Variants in ITGA10 observed in about 807,000 individuals in gnomAD.
The protein encoded by ITGA10 is integrin subunit alpha 10, also known as integrin alpha-10.
Under a neutral mutation model 145.2 loss-of-function variants are expected in ITGA10, and 105 were observed. That is an observed-to-expected ratio of 0.72 (90% confidence interval 0.62 to 0.85). ITGA10 has a LOEUF of 0.85. Among genes scored for constraint, ITGA10 ranks in the 40% least tolerant of loss-of-function variants. The pLI, the probability that ITGA10 is intolerant of heterozygous loss-of-function variation, is 0.00. For synonymous variants in ITGA10, 506 were observed against 557.8 expected (o/e 0.91, Z 1.31); for missense variants, 1,317 against 1,444.5 (o/e 0.91, Z 1.43).
intron 27 of ITGA10, among the ~76,000 whole-genome samples, chr1:145,894,106 T>C (rs1436712182): frequency 1.4e-5 from 2 of 147,714 alleles, no homozygotes; most frequent in Non-Finnish European, 3.0e-5. Context: ...ACCAAGTATG[T>C]AGTGGTTTCT....
intron 15 of ITGA10, among the ~76,000 whole-genome samples, chr1:145,899,758 A>C (rs1366370430): frequency 6.6e-6 from 1 of 151,814 alleles, no homozygotes; most frequent in Non-Finnish European, 1.5e-5. Flanking sequence ...TGATCCTCCT[A>C]CCTTCGCCTC....
At chr1:145,897,209 C>T in intron 21 of ITGA10, 38 bp downstream of exon 21, 1 of 1,603,322 alleles carries the variant, frequency 6.2e-7, no homozygotes, top group Non-Finnish European at 8.5e-7. Flanking sequence ...AGCCTCTGCC[C>T]TCCTAGAGCC....
intron 1 of ITGA10, among the ~76,000 whole-genome samples, chr1:145,907,835 T>C: frequency 7.0e-6 from 1 of 142,630 alleles, no homozygotes; most frequent in East Asian, 2.2e-4. Flanking sequence ...AGTGGCGTGA[T>C]CTCGGCTTAC....
At position 145,898,183 on chromosome 1, in the gene ITGA10, G is replaced by A. The variant is rs971587983; in HGVS notation, c.2273C>T (p.Thr758Ile). ...DYLRPVALTV[T>I]FALDNTTKPG... ...CTTTGTAGTATTGTCCAAGGCAAAG[G>A]TCACAGTCAAGGCCACTGGCCGGAG... The change falls in exon 18 of 30, where the codon ACC (threonine) becomes ATC (isoleucine). Residue 758 changes from threonine (T) to isoleucine (I), a missense_variant. Transcript: ENST00000369304. 1.2e-6 allele frequency: 2 copies of A among 1,613,934 alleles called. No individual in the cohort carries two copies. Among genetic ancestry groups the A allele is most frequent in the African/African-American group, 1.3e-5 (1 of 74,886 alleles).
At chr1:145,898,265 T>G in intron 17 of ITGA10, 42 bp from the exon 18 acceptor site, 1 of 1,271,920 alleles carries the variant, frequency 7.9e-7, no homozygotes, top group Non-Finnish European at 1.2e-6. Context: ...GTCAAGGATC[T>G]TGTGATAATT....
At position 145,902,527 on chromosome 1, in the gene ITGA10, G is replaced by A. The variant is rs1328584; in HGVS notation, c.1002C>T (p.Phe334=). Reference sequence around the variant, plus strand: ...GAGCAGCCTCATCTGTGACATTGAAGAAGAATCGCTCATCTGGATCACTGG... The same window carrying A: ...GAGCAGCCTCATCTGTGACATTGAAAAAGAATCGCTCATCTGGATCACTGG... The part of the protein sequence containing the change: ...TIASDPDERF[F]FNVTDEAALT... Residue 334 remains phenylalanine (F), a synonymous_variant, in exon 9 of 30, where the codon TTC becomes TTT. Transcript: ENST00000369304. 3,485 of 1,613,902 alleles carry A rather than the reference G, an allele frequency of 2.2e-3. 64 individuals carry two copies. In the African/African-American group the frequency reaches 0.04, roughly 19 times the overall value.
intron 4 of ITGA10, 81 bp downstream of exon 4, chr1:145,906,652 A>C: frequency 7.5e-7 from 1 of 1,339,352 alleles, no homozygotes; most frequent in East Asian, 2.3e-5. Context: ...CCCTCCACAC[A>C]GACCATTTTC....
Position 145,901,081 on chromosome 1 carries a change from C to T in ITGA10, c.1587+54G>A. On this transcript the variant is annotated intron_variant, in intron 13 of 29. Coordinates refer to ENST00000369304, the MANE Select transcript of ITGA10 (RefSeq NM_003637.5). The surrounding 1 kb of genome is among the most constrained non-coding windows in gnomAD (Gnocchi z 4.3). The stretch of plus-strand genomic sequence containing the variant: ...AAATATGTGCACCTTCCCTCCTTTC[C>T]TCCCTCCACCCCCACAATGCAAGTC... The T allele has an allele frequency of 6.2e-7, 1 of 1,612,826 alleles. No individual in the cohort carries two copies. The highest frequency in any genetic ancestry group is 1.1e-5 in the South Asian group (1 of 91,022).
intron 5 of ITGA10, 42 bp from the exon 6 acceptor site, chr1:145,904,853 G>T: frequency 6.3e-7 from 1 of 1,595,984 alleles, no homozygotes; most frequent in South Asian, 1.1e-5. Flanking sequence ...CACTGAGCTG[G>T]GGGCAACAAG....
At chr1:145,906,212 G>A (rs1381953688) in intron 5 of ITGA10, 182 bp downstream of exon 5, 2 of 546,170 alleles carry the variant, frequency 3.7e-6, no homozygotes, top group Non-Finnish European at 6.6e-6. Flanking sequence ...TACAGGTGTG[G>A]GCCACCACAC....
chr1:145,906,774 C>G lies in ITGA10; in HGVS notation c.325G>C (p.Gly109Arg). 1 of 1,613,912 alleles carries G rather than the reference C, an allele frequency of 6.2e-7. No individual in the cohort carries two copies. Among genetic ancestry groups the G allele is most frequent in the Non-Finnish European group, 8.5e-7 (1 of 1,179,846 alleles). ...CCATCTGTCTCTAACAGAGACATCC[C>G]CAGGTGCATATTCACAGCAGGATGA... ...SSHPAVNMHL[G>R]MSLLETDGDG... Residue 109 changes from glycine (G) to arginine (R), a missense_variant, in exon 4 of 30, where the codon GGG becomes CGG. By Grantham distance (125) the Gly-to-Arg change is moderately radical. Coordinates refer to ENST00000369304, the MANE Select transcript of ITGA10 (RefSeq NM_003637.5).
intron 14 of ITGA10, 31 bp downstream of exon 14, chr1:145,900,759 C>T (rs782399273): frequency 2.4e-5 from 38 of 1,606,790 alleles, no homozygotes; most frequent in East Asian, 1.6e-4. Context: ...TTCCTACAAC[C>T]GTGCCCCTGC....
rs781848197 is a variant in ITGA10, at chr1:145,902,338, T to C, written c.1076-19A>G. On this transcript the variant is annotated intron_variant, in intron 9 of 29. Coordinates refer to ENST00000369304, the MANE Select transcript of ITGA10 (RefSeq NM_003637.5). The stretch of plus-strand genomic sequence containing the variant: ...TGGGACCCTTGGTCATGAGAAAACA[T>C]TGAGACAATATCAGGGGAAGACAGT... 3 of 1,613,594 alleles carry C rather than the reference T, an allele frequency of 1.9e-6. No homozygotes were observed. The highest frequency in any genetic ancestry group is 1.1e-5 in the South Asian group (1 of 91,074).
chr1:145,896,267 C>T lies in ITGA10; in HGVS notation c.2919+1G>A. The T allele has an allele frequency of 6.2e-7, 1 of 1,611,740 alleles. No individual in the cohort carries two copies. ...ATGCCAAGACCCCTCCAGCTTCTCA[C>T]CCTGAGAGTGGTTTTGAATTCTGGG... On this transcript the variant is annotated splice_donor_variant, in intron 24 of 29. Transcript: ENST00000369304. LOFTEE classifies it high-confidence loss of function.
intron 3 of ITGA10, 91 bp from the exon 4 acceptor site, chr1:145,906,915 T>C: frequency 8.5e-7 from 1 of 1,176,664 alleles, no homozygotes; most frequent in South Asian, 1.4e-5. Flanking sequence ...TGAGCAGGGA[T>C]TGGTATCAGA....
In ITGA10 at chr1:145,900,915, G is replaced by A. The variant is rs781895199; in HGVS notation, c.1666C>T (p.Leu556Phe). ...AAACCATCTTGGTTCAGATCAGGAA[G>A]AGCTCCCATGGCAAAGCCAAACCGA... ...DARFGFAMGA[L>F]PDLNQDGFAD... Residue 556 changes from leucine (L) to phenylalanine (F), a missense_variant, in exon 14 of 30, where the codon CTT (leucine) becomes TTT (phenylalanine). By Grantham distance (22) the Leu-to-Phe change is conservative. Coordinates refer to ENST00000369304, the MANE Select transcript of ITGA10 (RefSeq NM_003637.5). 8 of 1,614,138 alleles carry A rather than the reference G, an allele frequency of 5.0e-6. No homozygotes were observed. The highest frequency in any genetic ancestry group is 5.9e-6 in the Non-Finnish European group (7 of 1,180,030).
intron 14 of ITGA10, 33 bp downstream of exon 14, chr1:145,900,757 A>G: frequency 6.2e-7 from 1 of 1,606,606 alleles, no homozygotes; most frequent in East Asian, 2.2e-5. Context: ...TCTTCCTACA[A>G]CCGTGCCCCT....
chr1:145,904,060 C>G lies in ITGA10; in HGVS notation c.750G>C (p.Met250Ile). ...TCTTCCCAATGCCTCACCAGGCCAC[C>G]ATTATTGCTTGGGCAGTCTTTGTTT... Reference protein sequence around the residue: ...GRETKTAQAIMVACTEGFSQS... With the variant: ...GRETKTAQAIIVACTEGFSQS... Residue 250 changes from methionine (M) to isoleucine (I), a missense_variant, in exon 7 of 30, where the codon ATG becomes ATC. Physicochemically the swap from Met to Ile is conservative, Grantham distance 10. Coordinates refer to ENST00000369304, the MANE Select transcript of ITGA10 (RefSeq NM_003637.5). The G allele has an allele frequency of 6.2e-7, 1 of 1,613,964 alleles. No homozygotes were observed.
chr1:145,903,958 G>A, intron 7 of ITGA10, 94 bp downstream of exon 7: 1 of 1,444,630 alleles, frequency 6.9e-7, no homozygotes, highest in Non-Finnish European at 9.6e-7. Context: ...AAAGTGCTGG[G>A]ATTACAGGCG....
Sources: allele counts gnomAD v4.1 joint callset (sites outside exome capture counted in the v4.1 genomes callset), GRCh38; gene constraint gnomAD v4.1.1; non-coding constraint Gnocchi (gnomAD v3.1); transcripts MANE v1.5; gene names NCBI Gene and HGNC (gene_info 2026-07-23, HGNC 2026-07-21).